ATXN10: variants seen among roughly 807,000 people sequenced by gnomAD.
The protein encoded by ATXN10 is ataxin-10.
In ATXN10, 28 loss-of-function variants were observed where a neutral mutation model predicts 52.9. The ratio of observed to expected loss-of-function variants is 0.53; its 90% CI spans 0.39 to 0.73. The LOEUF is 0.73. Among genes scored for constraint, ATXN10 ranks in the 30% least tolerant of loss-of-function variants. The probability of loss-of-function intolerance (pLI) is 0.00; values close to 1 mark genes in which losing one functional copy is unlikely to be tolerated. For missense variants in ATXN10, 565 were observed against 577.0 expected, an observed-to-expected ratio of 0.98 and a Z score of 0.21; for synonymous variants, 226 against 221.5, an observed-to-expected ratio of 1.02 and a Z score of -0.18.
intron 1 of ATXN10, among the ~76,000 whole-genome samples, chr22:45,689,296 A>G (rs1402298591): frequency 1.3e-5 from 2 of 152,228 alleles, no homozygotes; most frequent in Non-Finnish European, 2.9e-5. Context: ...GGGTAGATCC[A>G]TAAGCATGAG....
In ATXN10 at chr22:45,705,491, T is replaced by A. The variant is rs533960086; in HGVS notation, c.647+2644T>A. Among the ~76,000 whole-genome samples the A allele has an allele frequency of 7.2e-5, 11 of 152,236 alleles. No individual in the cohort carries two copies. The South Asian group carries it at 2.1e-3, about 29-fold the overall frequency. ...CTCTGTTGCCCAGGCTGGAGTGCAG[T>A]GGTGCGATCTCGGCTCACTGCAACC... On this transcript the variant is annotated intron_variant, in intron 5 of 11. Coordinates refer to ENST00000252934, the MANE Select transcript of ATXN10 (RefSeq NM_013236.4). The surrounding 1 kb of genome is among the most constrained non-coding windows in gnomAD (Gnocchi z 5.2).
At chr22:45,704,070 T>C (rs1461358197) in intron 5 of ATXN10, 1 of 151,454 alleles carries the variant, frequency 6.6e-6, no homozygotes, top group Non-Finnish European at 1.5e-5. Context: ...ACTCTGAAGA[T>C]ACAAGTGTTA....
chr22:45,776,746 G>A (rs76115189), intron 9 of ATXN10, among the ~76,000 whole-genome samples: 13,814 of 152,218 alleles, frequency 0.091, 811 homozygotes, highest in Middle Eastern at 0.15. Flanking sequence ...TATATGTAAA[G>A]TATATCACGT....
At position 45,842,909 on chromosome 22, in the gene ATXN10, C is replaced by G; in HGVS notation, c.1238-82C>G. 6.9e-7 allele frequency: 1 copy of G among 1,456,642 alleles called. No individual in the cohort carries two copies. The highest frequency in any genetic ancestry group is 2.3e-5 in the East Asian group (1 of 44,106). The allele number at this position is 1,456,642 out of a possible 1,614,324, so 90.2% of individuals were successfully genotyped here. A position where few individuals can be genotyped will look rare whatever the true frequency, so the allele number is the denominator to read the frequency against. On this transcript the variant is annotated intron_variant, in intron 10 of 11. Coordinates refer to ENST00000252934, the MANE Select transcript of ATXN10 (RefSeq NM_013236.4). This position sits in a 1 kb window ranked among gnomAD's most constrained non-coding sequence, Gnocchi z 4.8. ...ACTGGATGTTCCGTGTTTCTGTGCT[C>G]CTCTACTCCTTTTCTGATAATTCTT...
At chr22:45,740,315 A>G (rs745741188) in intron 8 of ATXN10, 54 bp from the exon 9 acceptor site, 6 of 1,550,044 alleles carry the variant, frequency 3.9e-6, no homozygotes, top group Non-Finnish European at 4.5e-6. Flanking sequence ...TATTAGTACA[A>G]CATACTAAAA....
intron 4 of ATXN10, among the ~76,000 whole-genome samples, chr22:45,700,808 A>C (rs1170672098): frequency 6.6e-6 from 1 of 152,218 alleles, no homozygotes; most frequent in Non-Finnish European, 1.5e-5. Flanking sequence ...TTGAATACTG[A>C]TATGCTGAGC....
intron 9 of ATXN10, among the ~76,000 whole-genome samples, chr22:45,760,944 G>A (rs1926366879): frequency 6.6e-6 from 1 of 152,118 alleles, no homozygotes; most frequent in Non-Finnish European, 1.5e-5. Flanking sequence ...GTTGGAGGGT[G>A]GTGATAAGCC....
At chr22:45,793,546 T>C (rs1927593180) in intron 9 of ATXN10, 2 of 1,261,102 alleles carry the variant, frequency 1.6e-6, no homozygotes, top group Admixed American at 3.9e-5. Context: ...TCTGTCAAGC[T>C]CTTCAATCTT....
In ATXN10 at chr22:45,696,344, A is replaced by G. The variant is rs192820445; in HGVS notation, c.391+3266A>G. ...GAAAGTTGAGAATGTACTGTGTTTTATAATTGGTGATCCTGATGGGGCGGG... is the reference window on the plus strand; with the variant it reads ...GAAAGTTGAGAATGTACTGTGTTTTGTAATTGGTGATCCTGATGGGGCGGG... On this transcript the variant is annotated intron_variant, in intron 3 of 11. Coordinates refer to ENST00000252934, the MANE Select transcript of ATXN10 (RefSeq NM_013236.4). The surrounding 1 kb of genome is among the most constrained non-coding windows in gnomAD (Gnocchi z 4.7). Among the ~76,000 whole-genome samples the G allele has an allele frequency of 6.6e-6, 1 of 152,328 alleles. No individual in the cohort carries two copies. Among genetic ancestry groups the G allele is most frequent in the Non-Finnish European group, 1.5e-5 (1 of 68,024 alleles).
chr22:45,684,136 TG>T lies in ATXN10; in HGVS notation c.117-5575del, dbSNP rs1197905784. Among the ~76,000 whole-genome samples, 116 of 62,180 alleles carry T rather than the reference TG, an allele frequency of 1.9e-3. No homozygotes were observed. Among genetic ancestry groups the T allele is most frequent in the South Asian group, 8.8e-3 (14 of 1,592 alleles). 40.8% of individuals were successfully genotyped at this position (62,180 alleles called of 152,430 possible). A position where few individuals can be genotyped will look rare whatever the true frequency, so the allele number is the denominator to read the frequency against. ...CCCAGCTAATTAAAACAAGTTTTTT[TG>T]TTTTTTTTTTTTTTGTAGAGATAGG... On this transcript the variant is annotated intron_variant, in intron 1 of 11. Transcript: ENST00000252934. This position sits in a 1 kb window ranked among gnomAD's most constrained non-coding sequence, Gnocchi z 4.1.
intron 7 of ATXN10, among the ~76,000 whole-genome samples, chr22:45,731,359 G>A (rs941693291): frequency 1.1e-4 from 16 of 152,170 alleles, no homozygotes; most frequent in African/African-American, 3.6e-4. Flanking sequence ...TGATTGCAGG[G>A]GAACACGAGG....
At chr22:45,800,862 A>G (rs1347735468) in intron 9 of ATXN10, among the ~76,000 whole-genome samples, 1 of 152,244 alleles carries the variant, frequency 6.6e-6, no homozygotes, top group African/African-American at 2.4e-5. Context: ...GTAATGACAG[A>G]AACAGATGCC....
intron 6 of ATXN10, among the ~76,000 whole-genome samples, chr22:45,723,155 G>A (rs988134606): frequency 1.3e-5 from 2 of 150,824 alleles, no homozygotes; most frequent in Non-Finnish European, 2.9e-5. Flanking sequence ...ATATATATAT[G>A]TGTGTGTGTG....
chr22:45,682,867 T>A (rs1922984163), intron 1 of ATXN10, among the ~76,000 whole-genome samples: 1 of 152,188 alleles, frequency 6.6e-6, no homozygotes, highest in African/African-American at 2.4e-5. Context: ...AGAATTTGAT[T>A]TCTGTTTACC....
intron 5 of ATXN10, among the ~76,000 whole-genome samples, chr22:45,709,978 C>T (rs932570313): frequency 2.0e-5 from 3 of 152,214 alleles, no homozygotes; most frequent in Non-Finnish European, 4.4e-5. Flanking sequence ...TCACCTACTT[C>T]ATGCCTCCTC....
At chr22:45,698,697 G>A (rs1231378170) in intron 3 of ATXN10, among the ~76,000 whole-genome samples, 1 of 152,144 alleles carries the variant, frequency 6.6e-6, no homozygotes, top group Non-Finnish European at 1.5e-5. Flanking sequence ...GGATATTATT[G>A]AGGCAGGAAG....
chr22:45,814,834 A>G (rs1002520461), intron 10 of ATXN10, among the ~76,000 whole-genome samples: 10 of 152,162 alleles, frequency 6.6e-5, no homozygotes, highest in Non-Finnish European at 1.2e-4. Context: ...TTCTCATAGG[A>G]GCGTGAACCC....
rs537607804 is a variant in ATXN10 at position 45,750,013 on chromosome 22, A to G, written c.1173+9475A>G. Among the ~76,000 whole-genome samples the G allele has an allele frequency of 7.2e-5, 11 of 152,362 alleles. No individual in the cohort carries two copies. Among genetic ancestry groups the G allele is most frequent in the South Asian group, 4.1e-4 (2 of 4,830 alleles). ...TGCCCATGATGATTCCGCAGTTTGT[A>G]AAAGTCATGAATCCAGTTTTCCTAA... On this transcript the variant is annotated intron_variant, in intron 9 of 11. Transcript: ENST00000252934. The surrounding 1 kb of genome is among the most constrained non-coding windows in gnomAD (Gnocchi z 4.2).
chr22:45,691,720 C>T (rs1347821273), intron 2 of ATXN10, among the ~76,000 whole-genome samples: 1 of 152,148 alleles, frequency 6.6e-6, no homozygotes, highest in Non-Finnish European at 1.5e-5. Context: ...ATGGTGAAAC[C>T]CTGTCTCTAC....
Sources: allele counts gnomAD v4.1 joint callset (sites outside exome capture counted in the v4.1 genomes callset), GRCh38; gene constraint gnomAD v4.1.1; non-coding constraint Gnocchi (gnomAD v3.1); transcripts MANE v1.5; gene names NCBI Gene and HGNC (gene_info 2026-07-23, HGNC 2026-07-21).